The following GNG4 variants were observed in gnomAD, a reference collection of about 807,000 sequenced individuals.
GNG4 encodes guanine nucleotide-binding protein G(I)/G(S)/G(O) subunit gamma-4.
A neutral mutation model predicts 5.8 loss-of-function variants in GNG4; 4 were observed. That is an observed-to-expected ratio of 0.69 (90% CI 0.34 to 1.57). The LOEUF (loss-of-function observed/expected upper bound fraction) is 1.57, where lower values mean the gene tolerates loss of function less well. Among genes scored for constraint, GNG4 ranks in the 40% most tolerant of loss-of-function variants. GNG4 has a pLI of 0.06. For synonymous variants in GNG4, 29 were observed against 32.9 expected (o/e 0.88, Z 0.41); for missense variants, 96 against 95.1 (o/e 1.01, Z -0.04).
intron 2 of GNG4, among the ~76,000 whole-genome samples, chr1:235,592,085 A>G (rs1687976865): frequency 6.6e-6 from 1 of 152,244 alleles, no homozygotes; most frequent in African/African-American, 2.4e-5. Context: ...ACTAAAGATA[A>G]CATCTTAACA....
At chr1:235,591,976 G>A (rs894937243) in intron 2 of GNG4, among the ~76,000 whole-genome samples, 2 of 152,184 alleles carry the variant, frequency 1.3e-5, no homozygotes, top group African/African-American at 4.8e-5. Context: ...AGTTAGCCCT[G>A]AGAAGTAAAT....
intron 1 of GNG4, among the ~76,000 whole-genome samples, chr1:235,643,832 T>C (rs377731739): frequency 1.3e-5 from 2 of 152,154 alleles, no homozygotes; most frequent in Admixed American, 1.3e-4. Context: ...AGGCCAGCAA[T>C]TGGCTTCTTT....
At chr1:235,646,855 A>G (rs1239481737) in intron 1 of GNG4, among the ~76,000 whole-genome samples, 2 of 152,196 alleles carry the variant, frequency 1.3e-5, no homozygotes, top group East Asian at 1.9e-4. Context: ...TTAAGCACCC[A>G]TTGTTTTCTC....
Position 235,600,100 on chromosome 1 carries a change from C to CTTTTTTTTTTTTTTTTTTTTTT in GNG4, c.-122-4611_-122-4590dup, listed in dbSNP as rs533853180. On this transcript the variant is annotated intron_variant, in intron 1 of 3. Coordinates refer to ENST00000391854, the MANE Select transcript of GNG4 (RefSeq NM_001098722.2). ...TCCTTTATCTGGTTGCGGAAGAAAG[C>CTTTTTTTTTTTTTTTTTTTTTT]TTTTTTTTTTTTTTTTTTTTTTTTT... Among the ~76,000 whole-genome samples, 28 of 43,138 alleles carry CTTTTTTTTTTTTTTTTTTTTTT rather than the reference C, an allele frequency of 6.5e-4. 10 individuals are homozygous for CTTTTTTTTTTTTTTTTTTTTTT. The highest frequency in any genetic ancestry group is 9.2e-4 in the Admixed American group (3 of 3,264). 28.3% of individuals were successfully genotyped at this position (43,138 alleles called of 152,430 possible).
intron 1 of GNG4, among the ~76,000 whole-genome samples, chr1:235,624,163 C>T (rs1002615387): frequency 1.0e-4 from 15 of 150,182 alleles, no homozygotes; most frequent in African/African-American, 2.7e-4. Context: ...AGTGCAGTGG[C>T]GTGATCTTGG....
At chr1:235,596,209 T>TACACACAC (rs59527448) in intron 1 of GNG4, among the ~76,000 whole-genome samples, 2,300 of 133,530 alleles carry the variant, frequency 0.017, 37 homozygotes, top group East Asian at 0.038. Flanking sequence ...ACAAACAAAA[T>TACACACAC]ACACACACAC....
intron 1 of GNG4, among the ~76,000 whole-genome samples, chr1:235,647,376 CAT>C (rs1657538038): frequency 6.6e-6 from 1 of 152,088 alleles, no homozygotes; most frequent in South Asian, 2.1e-4. Flanking sequence ...AATCTTCTGA[CAT>C]ACATTATTAG....
intron 3 of GNG4, among the ~76,000 whole-genome samples, chr1:235,559,053 T>G (rs192371705): frequency 1.9e-3 from 288 of 152,342 alleles, no homozygotes; most frequent in African/African-American, 6.4e-3. Flanking sequence ...ACATAATTAT[T>G]ATTGTGGCTG....
At chr1:235,629,772 A>G (rs1688895700) in intron 1 of GNG4, among the ~76,000 whole-genome samples, 1 of 151,772 alleles carries the variant, frequency 6.6e-6, no homozygotes, top group African/African-American at 2.4e-5. Flanking sequence ...TTGTATTTTT[A>G]GTAAAGATGG....
chr1:235,649,096 A>G lies in GNG4; in HGVS notation c.-123+566T>C, dbSNP rs1657590516. Reference sequence around the variant, plus strand: ...AGCACCAGCCTCGGGGACAGACGCCATCAAGGAGGTGAGGAAAACCACCCT... The same window carrying G: ...AGCACCAGCCTCGGGGACAGACGCCGTCAAGGAGGTGAGGAAAACCACCCT... On this transcript the variant is annotated intron_variant, in intron 1 of 3. Transcript: ENST00000391854. The surrounding 1 kb of genome is among the most constrained non-coding windows in gnomAD (Gnocchi z 5.7). Among the ~76,000 whole-genome samples, 1 of 152,128 alleles carries G rather than the reference A, an allele frequency of 6.6e-6. No homozygotes were observed. Among genetic ancestry groups the G allele is most frequent in the South Asian group, 2.1e-4 (1 of 4,830 alleles).
At position 235,550,398 on chromosome 1, in the gene GNG4, T is replaced by C. The variant is rs538746201; in HGVS notation, c.*1711A>G. ...TGGAAGGTAGCACAGTTCAGGGGGC[T>C]AAGGGAACTCTGGGGCCGGGCTGCC... On this transcript the variant is annotated 3_prime_UTR_variant, in exon 4 of 4. Coordinates refer to ENST00000391854, the MANE Select transcript of GNG4 (RefSeq NM_001098722.2). The C allele has an allele frequency of 6.6e-5, 10 of 152,502 alleles. No individual in the cohort carries two copies. The South Asian group carries it at 2.1e-3, about 32-fold the overall frequency. 9.4% of individuals were successfully genotyped at this position (152,502 alleles called of 1,614,324 possible).
intron 1 of GNG4, among the ~76,000 whole-genome samples, chr1:235,640,942 T>C (rs765370823): frequency 3.9e-5 from 6 of 152,242 alleles, no homozygotes; most frequent in Non-Finnish European, 7.3e-5. Context: ...GGCTGCTTCT[T>C]GCGTGTCATT....
intron 1 of GNG4, among the ~76,000 whole-genome samples, chr1:235,623,191 C>G (rs1298352045): frequency 3.3e-5 from 5 of 152,146 alleles, no homozygotes; most frequent in African/African-American, 1.2e-4. Flanking sequence ...CTGCATGCAG[C>G]CACCACTGTG....
In GNG4 at chr1:235,550,159, A is replaced by T. The variant is rs1686703053; in HGVS notation, c.*1950T>A. 1 of 152,236 alleles carries T rather than the reference A, an allele frequency of 6.6e-6. No homozygotes were observed. The highest frequency in any genetic ancestry group is 2.4e-5 in the African/African-American group (1 of 41,454). 9.4% of individuals were successfully genotyped at this position (152,236 alleles called of 1,614,324 possible). ...TGAGTTTGGTTTAGGTAGGACCTTC[A>T]GGTTGATCTTAGACAATCCAAGAGC... is the stretch of plus-strand genomic sequence containing the variant. On this transcript the variant is annotated 3_prime_UTR_variant, in exon 4 of 4. Coordinates refer to ENST00000391854, the MANE Select transcript of GNG4 (RefSeq NM_001098722.2).
intron 1 of GNG4, among the ~76,000 whole-genome samples, chr1:235,611,611 G>T (rs17548391): frequency 2.0e-5 from 3 of 152,040 alleles, no homozygotes; most frequent in Admixed American, 6.6e-5. Flanking sequence ...TCCCAACTTC[G>T]CATTAGACAA....
At chr1:235,579,045 C>T (rs962014079) in intron 3 of GNG4, among the ~76,000 whole-genome samples, 1 of 146,888 alleles carries the variant, frequency 6.8e-6, no homozygotes, top group South Asian at 2.1e-4. Context: ...TGCAGTGAGC[C>T]GAGATCATGC....
At chr1:235,620,155 G>T (rs1688675521) in intron 1 of GNG4, among the ~76,000 whole-genome samples, 1 of 152,134 alleles carries the variant, frequency 6.6e-6, no homozygotes, top group African/African-American at 2.4e-5. Context: ...CCTGAGGTCG[G>T]GAGTTCGAGA....
At chr1:235,587,478 G>A (rs1460779221) in intron 2 of GNG4, among the ~76,000 whole-genome samples, 7 of 45,988 alleles carry the variant, frequency 1.5e-4, no homozygotes, top group Non-Finnish European at 3.1e-4. Context: ...GTGAGTGTGA[G>A]AGTGTGGATG....
chr1:235,631,593 C>T (rs959685496), intron 1 of GNG4, among the ~76,000 whole-genome samples: 8 of 148,146 alleles, frequency 5.4e-5, no homozygotes, highest in African/African-American at 2.0e-4. Flanking sequence ...TTTTTTCAGA[C>T]AGAGTCTTGC....
Sources: allele counts gnomAD v4.1 joint callset (sites outside exome capture counted in the v4.1 genomes callset), GRCh38; gene constraint gnomAD v4.1.1; non-coding constraint Gnocchi (gnomAD v3.1); transcripts MANE v1.5; gene names NCBI Gene and HGNC (gene_info 2026-07-23, HGNC 2026-07-21).